SLC29A2: variants seen among roughly 807,000 people sequenced by gnomAD.
SLC29A2 encodes solute carrier family 29 member 2.
SLC29A2 carries 37 observed loss-of-function variants against 48.8 expected under a neutral mutation model. The observed-to-expected ratio is 0.76, with a 90% CI of 0.58 to 1.00. The LOEUF (loss-of-function observed/expected upper bound fraction) is 1.00. SLC29A2 is among the 50% of genes least tolerant of loss of function. The pLI, the probability that SLC29A2 is intolerant of heterozygous loss-of-function variation, is 0.00. For synonymous variants in SLC29A2, 233 were observed against 261.7 expected (o/e 0.89, Z 1.06); for missense variants, 533 against 578.6 (o/e 0.92, Z 0.81).
At chr11:66,365,217 G>A (rs1189845209) in intron 10 of SLC29A2, among the ~76,000 whole-genome samples, 1 of 152,152 alleles carries the variant, frequency 6.6e-6, no homozygotes, top group Non-Finnish European at 1.5e-5. Flanking sequence ...AGAGTGCTAG[G>A]ATTATAGGTG....
intron 6 of SLC29A2, 101 bp downstream of exon 6, chr11:66,367,671 C>T: frequency 6.8e-7 from 1 of 1,469,034 alleles, no homozygotes; most frequent in Non-Finnish European, 9.5e-7. Flanking sequence ...AGGGCTGAGA[C>T]CAGGTCTCCT....
rs1855476557 is a variant in SLC29A2, at chr11:66,363,268, GCACTCCAA to G, written c.*160_*167del. The G allele has an allele frequency of 1.5e-6, 1 of 682,720 alleles. No homozygotes were observed. Among genetic ancestry groups the G allele is most frequent in the Non-Finnish European group, 2.7e-6 (1 of 369,332 alleles). 42.3% of individuals were successfully genotyped at this position (682,720 alleles called of 1,614,324 possible). A position where few individuals can be genotyped will look rare whatever the true frequency, so the allele number is the denominator to read the frequency against. On this transcript the variant is annotated 3_prime_UTR_variant, in exon 12 of 12. Transcript: ENST00000357440. Reference sequence around the variant, plus strand: ...GACCGGTGGTGATTTCTTCCCCACAGCACTCCAAGTGGATGAAGAGCAGCTCCTGCCCG... The same window carrying G: ...GACCGGTGGTGATTTCTTCCCCACAGGTGGATGAAGAGCAGCTCCTGCCCG...
chr11:66,366,982 T>C (rs2135002912), intron 7 of SLC29A2, among the ~76,000 whole-genome samples: 1 of 152,158 alleles, frequency 6.6e-6, no homozygotes, highest in East Asian at 1.9e-4. Flanking sequence ...CAAAAAAAGG[T>C]GATCTTCCTC....
At chr11:66,366,092 C>A (rs1855674000) in intron 9 of SLC29A2, 34 bp downstream of exon 9, 1 of 1,606,342 alleles carries the variant, frequency 6.2e-7, no homozygotes, top group East Asian at 2.2e-5. Context: ...CTTTGTACCC[C>A]CTGCCCTGCC....
chr11:66,366,334 C>G, intron 8 of SLC29A2, 97 bp downstream of exon 8: 2 of 1,603,636 alleles, frequency 1.2e-6, no homozygotes, highest in South Asian at 2.2e-5. Context: ...CCTGGCCCAG[C>G]TGTGTCCCTG....
chr11:66,363,527 C>G lies in SLC29A2; in HGVS notation c.1280G>C (p.Arg427Thr). The change falls in exon 12 of 12, where the codon AGG becomes ACG. Residue 427 changes from arginine to threonine, a missense_variant. By Grantham distance (71) the Arg-to-Thr change is moderately conservative. Transcript: ENST00000357440. ...GGTCATGAGGGCGCCGGCCACCTCC[C>G]TCTCGTGTGGCAGCACCTGCCTAGA... ...LAPRQVLPHE[R>T]EVAGALMTFF... The G allele has an allele frequency of 1.2e-6, 2 of 1,613,642 alleles. No homozygotes were observed. Among genetic ancestry groups the G allele is most frequent in the Non-Finnish European group, 1.7e-6 (2 of 1,179,780 alleles).
chr11:66,370,327 T>C (rs866294168), intron 2 of SLC29A2, among the ~76,000 whole-genome samples: 1 of 152,226 alleles, frequency 6.6e-6, no homozygotes, highest in East Asian at 1.9e-4. Context: ...ACATTATTAA[T>C]AGCTCTTTGG....
chr11:66,364,672 T>C (rs1855568604), intron 10 of SLC29A2: 2 of 423,042 alleles, frequency 4.7e-6, no homozygotes, highest in Non-Finnish European at 4.3e-6. Flanking sequence ...CATGCCCAGA[T>C]AATTTTTATA....
chr11:66,366,061 TC>T (rs1170162417), intron 9 of SLC29A2, 40 bp from the exon 10 acceptor site: 1 of 1,609,002 alleles, frequency 6.2e-7, no homozygotes, highest in East Asian at 2.2e-5. Flanking sequence ...GGTCTCCAAC[TC>T]CCCTCTCCCG....
chr11:66,371,730 A>T lies in SLC29A2; in HGVS notation c.-139T>A. 1 of 803,326 alleles carries T rather than the reference A, an allele frequency of 1.2e-6. No individual in the cohort carries two copies. Among genetic ancestry groups the T allele is most frequent in the South Asian group, 1.8e-5 (1 of 56,564 alleles). 49.8% of individuals were successfully genotyped at this position (803,326 alleles called of 1,614,324 possible). ...CGGTGCAGGGCGGCTGGAGTCGCAC[A>T]GGTAGCCTCGGGCGGATTTCGGCGT... On this transcript the variant is annotated 5_prime_UTR_variant, in exon 1 of 12. Transcript: ENST00000357440.
Position 66,371,577 on chromosome 11 carries a change from G to A in SLC29A2, c.15C>T (p.Asp5=), listed in dbSNP as rs1365348597. 1.9e-6 allele frequency: 3 copies of A among 1,549,610 alleles called. No individual in the cohort carries two copies. Among genetic ancestry groups the A allele is most frequent in the East Asian group, 2.4e-5 (1 of 41,198 alleles). ...GGCCCACTCACCTGTCCCGCGGGGC[G>A]TCTCCTCGCGCCATGGCCGCCGCGG... MARG[D]APRDSYHLVG... is the part of the protein sequence containing the mutation. The change falls in exon 1 of 12, where the codon GAC becomes GAT. Residue 5 remains aspartate (D), a synonymous_variant. Coordinates refer to ENST00000357440, the MANE Select transcript of SLC29A2 (RefSeq NM_001532.3).
chr11:66,366,543 C>T lies in SLC29A2; in HGVS notation c.755G>A (p.Ser252Asn), dbSNP rs758105483. The stretch of plus-strand genomic sequence containing the variant: ...CAGGGTCAGAGCTACTTTCTGGGGA[C>T]TACTGGGAATCCCGTTCTCATCTGG... Reference protein sequence around the residue: ...LQSDENGIPSSPQKVALTLDL... With the variant: ...LQSDENGIPSNPQKVALTLDL... The change falls in exon 8 of 12, where the codon AGT (serine) becomes AAT (asparagine). Residue 252 changes from serine to asparagine, a missense_variant. Physicochemically the swap from Ser to Asn is conservative, Grantham distance 46. Transcript: ENST00000357440. 3.5e-5 allele frequency: 57 copies of T among 1,613,748 alleles called. No homozygotes were observed. The highest frequency in any genetic ancestry group is 4.7e-5 in the Non-Finnish European group (55 of 1,180,030).
At chr11:66,372,207 G>A (rs1374904126), upstream of SLC29A2, 1 of 152,402 alleles carries the variant, frequency 6.6e-6, no homozygotes, top group African/African-American at 2.4e-5. Context: ...GGGAACCAGA[G>A]CTGCCACAGG....
chr11:66,364,943 G>T (rs7126064), intron 10 of SLC29A2: 143,556 of 153,632 alleles, frequency 0.93, 67,847 homozygotes, highest in East Asian at 1. Context: ...GATTTTAGGG[G>T]TTTTTTTGTT....
chr11:66,369,265 G>C, intron 3 of SLC29A2, 66 bp from the exon 4 acceptor site: 1 of 1,587,636 alleles, frequency 6.3e-7, no homozygotes, highest in Non-Finnish European at 8.6e-7. Flanking sequence ...AAGGAGGCTC[G>C]ACACCTGGGG....
Position 66,366,424 on chromosome 11 carries a change from G to A in SLC29A2, c.867+7C>T. 4 of 1,614,208 alleles carry A rather than the reference G, an allele frequency of 2.5e-6. No individual in the cohort carries two copies. The highest frequency in any genetic ancestry group is 3.4e-6 in the Non-Finnish European group (4 of 1,180,052). On this transcript the variant is annotated splice_region_variant and intron_variant, in intron 8 of 11. Transcript: ENST00000357440. ...GATGGTGGTTGGGGGCTGTATCCAA[G>A]CCAAACCTTCTGGAAGACAGTGAAG...
rs2134993618 is a variant in SLC29A2 at position 66,364,343 on chromosome 11, G to A, written c.1141C>T (p.Pro381Ser). The part of the protein sequence containing the change: ...FVPLFMLCHV[P>S]QRSRLPILFP... ...AGGATGGGCAGCCGGGACCTCTGGGGCACGTGGCACAGCATGAAGAGGGGC... is the reference window on the plus strand; with the variant it reads ...AGGATGGGCAGCCGGGACCTCTGGGACACGTGGCACAGCATGAAGAGGGGC... The change falls in exon 11 of 12, where the codon CCC (proline) becomes TCC (serine). Residue 381 changes from proline to serine, a missense_variant. By Grantham distance (74) the Pro-to-Ser change is moderately conservative. Coordinates refer to ENST00000357440, the MANE Select transcript of SLC29A2 (RefSeq NM_001532.3). The A allele has an allele frequency of 6.2e-7, 1 of 1,614,012 alleles. No individual in the cohort carries two copies. Among genetic ancestry groups the A allele is most frequent in the Non-Finnish European group, 8.5e-7 (1 of 1,179,982 alleles).
chr11:66,366,304 TG>T lies in SLC29A2; in HGVS notation c.868-74del, dbSNP rs1452933993. The T allele has an allele frequency of 3.1e-6, 5 of 1,600,308 alleles. No individual in the cohort carries two copies. In the African/African-American group the frequency reaches 6.7e-5, roughly 21 times the overall value. On this transcript the variant is annotated intron_variant, in intron 8 of 11. Coordinates refer to ENST00000357440, the MANE Select transcript of SLC29A2 (RefSeq NM_001532.3). ...CCCACCCTCTTGCCCAAGCCCCATG[TG>T]GGAGCAGGACACTTGGGGCCTGGCC... is the stretch of plus-strand genomic sequence containing the variant.
At chr11:66,369,620 T>C in intron 2 of SLC29A2, 88 bp from the exon 3 acceptor site, 1 of 1,458,662 alleles carries the variant, frequency 6.9e-7, no homozygotes, top group South Asian at 1.2e-5. Context: ...TTCTAATGTC[T>C]GTGGGGACTT....
Sources: gnomAD v4.1 joint callset for allele counts (sites outside exome capture counted in the v4.1 genomes callset) on GRCh38, gnomAD v4.1.1 for gene constraint, MANE v1.5 for transcripts, NCBI Gene and HGNC (gene_info 2026-07-23, HGNC 2026-07-21) for gene names.